Variants in DOCK2 observed in about 807,000 individuals in gnomAD.
DOCK2 encodes dedicator of cytokinesis 2, also known as dedicator of cytokinesis protein 2.
A neutral mutation model predicts 248.9 loss-of-function variants in DOCK2; 87 were observed. The observed-to-expected ratio is 0.35, with a 90% CI of 0.29 to 0.42. The LOEUF (loss-of-function observed/expected upper bound fraction) is 0.42. Ranked by LOEUF, DOCK2 falls within the 10% of genes least tolerant of loss-of-function variation. The probability of loss-of-function intolerance (pLI) is 1.00; values close to 1 mark genes in which losing one functional copy is unlikely to be tolerated. For synonymous variants in DOCK2, 805 were observed against 821.6 expected, an observed-to-expected ratio of 0.98 and a Z score of 0.35; for missense variants, 1,747 against 2,300.2, an observed-to-expected ratio of 0.76 and a Z score of 4.92.
rs559189695 is a variant in DOCK2 at position 169,821,510 on chromosome 5, C to T, written c.2703+18304C>T. On this transcript the variant is annotated intron_variant, in intron 26 of 51. Transcript: ENST00000520908. ...AATTTTCAACCCAGAATTTCATATC[C>T]AGCCAAACTAAGCTTCATAAGTGAA... Among the ~76,000 whole-genome samples the T allele has an allele frequency of 1.6e-4, 24 of 152,176 alleles. No individual in the cohort carries two copies. In the South Asian group the frequency reaches 4.6e-3, roughly 29 times the overall value.
intron 46 of DOCK2, among the ~76,000 whole-genome samples, chr5:170,072,638 C>T (rs1189637185): frequency 6.6e-6 from 1 of 152,136 alleles, no homozygotes; most frequent in Non-Finnish European, 1.5e-5. Flanking sequence ...TTCACTCCCA[C>T]ACAACTTCTA....
chr5:169,713,029 T>C (rs1761672436), intron 17 of DOCK2, among the ~76,000 whole-genome samples: 1 of 152,252 alleles, frequency 6.6e-6, no homozygotes, highest in African/African-American at 2.4e-5. Context: ...ATTGCCCTTT[T>C]GCCTGTGGGA....
intron 25 of DOCK2, among the ~76,000 whole-genome samples, chr5:169,771,218 G>GTTCTGT (rs1765068767): frequency 6.6e-6 from 1 of 152,148 alleles, no homozygotes; most frequent in Non-Finnish European, 1.5e-5. Flanking sequence ...AAAATCCTTT[G>GTTCTGT]TTCTGTTTTC....
At chr5:169,663,706 G>A (rs527351509) in intron 2 of DOCK2, among the ~76,000 whole-genome samples, 1 of 152,360 alleles carries the variant, frequency 6.6e-6, no homozygotes, top group South Asian at 2.1e-4. Context: ...AGCTGGAGGT[G>A]GAGTGGCTGG....
intron 6 of DOCK2, among the ~76,000 whole-genome samples, chr5:169,676,134 G>T (rs1759323607): frequency 6.6e-6 from 1 of 152,158 alleles, no homozygotes; most frequent in South Asian, 2.1e-4. Context: ...TGGAAGAAGT[G>T]GTCACTACTC....
rs1759255114 is a variant in DOCK2 at position 169,675,067 on chromosome 5, T to A, written c.470+622T>A. Among the ~76,000 whole-genome samples the A allele has an allele frequency of 4.6e-5, 7 of 152,364 alleles. 1 individual carries two copies. The South Asian group carries it at 1.5e-3, about 32-fold the overall frequency. ...TTTTGCAGGCATTGTCTCATTTAATTCTTATAATAACTCTATGGAGTATGC... is the reference window on the plus strand; with the variant it reads ...TTTTGCAGGCATTGTCTCATTTAATACTTATAATAACTCTATGGAGTATGC... On this transcript the variant is annotated intron_variant, in intron 6 of 51. Transcript: ENST00000520908.
At chr5:169,717,090 A>C (rs1013193682) in intron 20 of DOCK2, among the ~76,000 whole-genome samples, 1 of 152,192 alleles carries the variant, frequency 6.6e-6, no homozygotes, top group Non-Finnish European at 1.5e-5. Context: ...CACAATGTAC[A>C]TAAGTATATT....
intron 27 of DOCK2, among the ~76,000 whole-genome samples, chr5:169,842,182 G>T (rs76678326): frequency 1.3e-5 from 2 of 152,150 alleles, no homozygotes; most frequent in African/African-American, 4.8e-5. Flanking sequence ...CAAACAGCTG[G>T]ATTCCCTTCA....
At chr5:169,996,225 C>A in intron 30 of DOCK2, 61 bp downstream of exon 30, 1 of 1,540,180 alleles carries the variant, frequency 6.5e-7, no homozygotes, top group South Asian at 1.2e-5. Flanking sequence ...ACATTCTGGG[C>A]TGATTGCTCC....
chr5:169,787,045 C>T (rs911811397), intron 25 of DOCK2, among the ~76,000 whole-genome samples: 3 of 152,182 alleles, frequency 2.0e-5, no homozygotes, highest in African/African-American at 4.8e-5. Flanking sequence ...GTTTCATTCT[C>T]ACCAAGAGAG....
At chr5:169,997,919 C>T (rs1401600644) in intron 30 of DOCK2, 5 of 456,222 alleles carry the variant, frequency 1.1e-5, no homozygotes, top group Admixed American at 2.3e-5. Flanking sequence ...GGACTGTATC[C>T]GTGCCTCAAG....
intron 26 of DOCK2, among the ~76,000 whole-genome samples, chr5:169,804,959 G>C (rs1304173801): frequency 3.3e-5 from 5 of 152,182 alleles, no homozygotes; most frequent in Non-Finnish European, 4.4e-5. Flanking sequence ...GTAGCCAGCT[G>C]TTGAGCTGGT....
chr5:169,758,023 C>A (rs1764283554), intron 23 of DOCK2, among the ~76,000 whole-genome samples: 1 of 152,110 alleles, frequency 6.6e-6, no homozygotes, highest in African/African-American at 2.4e-5. Flanking sequence ...CTTCTTTGAA[C>A]AATCTATCCT....
At chr5:169,670,220 C>T (rs949244147) in intron 3 of DOCK2, among the ~76,000 whole-genome samples, 9 of 152,278 alleles carry the variant, frequency 5.9e-5, no homozygotes, top group Middle Eastern at 3.4e-3. Context: ...GTCTTTCAAA[C>T]GATACTGTCT....
At position 169,792,451 on chromosome 5, in the gene DOCK2, A is replaced by ATATGTGTGTG. The variant is rs112882213; in HGVS notation, c.2555-10606_2555-10605insATGTGTGTGT. ...GTATATGTGTACATATATTTTATATATGTGTGTGTGTGTGTGTGTGCATAT... is the reference window on the plus strand; with the variant it reads ...GTATATGTGTACATATATTTTATATATATGTGTGTGTGTGTGTGTGTGTGTGTGTGCATAT... On this transcript the variant is annotated intron_variant, in intron 25 of 51. Coordinates refer to ENST00000520908, the MANE Select transcript of DOCK2 (RefSeq NM_004946.3). Among the ~76,000 whole-genome samples the ATATGTGTGTG allele has an allele frequency of 2.4e-4, 36 of 149,312 alleles. 1 individual carries two copies. The highest frequency in any genetic ancestry group is 8.6e-4 in the African/African-American group (35 of 40,474).
chr5:170,015,566 T>TG (rs1478698056), intron 32 of DOCK2, among the ~76,000 whole-genome samples: 18 of 106,150 alleles, frequency 1.7e-4, no homozygotes, highest in South Asian at 9.1e-4. Context: ...TTTTAGGTTT[T>TG]TTTTGTTTGT....
At chr5:169,767,122 T>C (rs908722832) in intron 25 of DOCK2, among the ~76,000 whole-genome samples, 27 of 152,250 alleles carry the variant, frequency 1.8e-4, no homozygotes, top group African/African-American at 6.3e-4. Flanking sequence ...TGGTTTTGAT[T>C]TGCATATCTC....
chr5:169,759,555 G>C, intron 23 of DOCK2, 150 bp from the exon 24 acceptor site: 1 of 778,876 alleles, frequency 1.3e-6, no homozygotes, highest in Admixed American at 2.9e-5. Flanking sequence ...CTTATGTTTT[G>C]ATGTCCATAC....
At chr5:170,064,636 A>G (rs1489755422) in intron 44 of DOCK2, among the ~76,000 whole-genome samples, 1 of 152,106 alleles carries the variant, frequency 6.6e-6, no homozygotes, top group Non-Finnish European at 1.5e-5. Context: ...GTGTAACAAC[A>G]TACACATTAT....
Sources: gnomAD v4.1 joint callset for allele counts (sites outside exome capture counted in the v4.1 genomes callset) on GRCh38, gnomAD v4.1.1 for gene constraint, MANE v1.5 for transcripts, NCBI Gene and HGNC (gene_info 2026-07-23, HGNC 2026-07-21) for gene names.